AK7: variants seen among roughly 807,000 people sequenced by gnomAD.
AK7 encodes the protein ATP-AMP transphosphorylase 7.
Under a neutral mutation model 96.6 loss-of-function variants are expected in AK7, and 78 were observed. That is an observed-to-expected ratio of 0.81 (90% confidence interval 0.67 to 0.97). The LOEUF is 0.97. Among genes scored for constraint, AK7 ranks in the 50% least tolerant of loss-of-function variants. AK7 has a pLI of 0.00. For missense variants in AK7, 855 were observed against 887.9 expected (o/e 0.96, Z 0.47); for synonymous variants, 302 against 317.2 (o/e 0.95, Z 0.51).
At chr14:96,419,784 C>T (rs904091101) in intron 4 of AK7, among the ~76,000 whole-genome samples, 134 of 101,594 alleles carry the variant, frequency 1.3e-3, no homozygotes, top group African/African-American at 2.2e-3. Context: ...TTTTTTCTTT[C>T]TTTTCTTTTT....
chr14:96,400,436 A>G (rs1890344604), intron 2 of AK7, among the ~76,000 whole-genome samples: 1 of 152,206 alleles, frequency 6.6e-6, no homozygotes, highest in African/African-American at 2.4e-5. Flanking sequence ...TGTAATAGAA[A>G]ACAGAGGTGA....
intron 12 of AK7, among the ~76,000 whole-genome samples, chr14:96,465,216 C>T (rs1261074299): frequency 6.6e-6 from 1 of 152,196 alleles, no homozygotes; most frequent in African/African-American, 2.4e-5. Flanking sequence ...AATCCCAGCA[C>T]TTTGGGAGGC....
chr14:96,463,099 T>A, intron 12 of AK7, among the ~76,000 whole-genome samples: 1 of 151,994 alleles, frequency 6.6e-6, no homozygotes, highest in East Asian at 1.9e-4. Context: ...ATTGTGCCAT[T>A]GCAATCCAGC....
chr14:96,478,425 G>T (rs781280359), intron 14 of AK7, 40 bp from the exon 15 acceptor site: 19 of 1,605,814 alleles, frequency 1.2e-5, no homozygotes, highest in Non-Finnish European at 1.4e-5. Flanking sequence ...AGTTAGCTGC[G>T]CTGTATTGTG....
At chr14:96,438,773 A>G (rs1892792804) in intron 6 of AK7, among the ~76,000 whole-genome samples, 1 of 152,152 alleles carries the variant, frequency 6.6e-6, no homozygotes, top group African/African-American at 2.4e-5. Flanking sequence ...AGGATGTACT[A>G]TTTGGGGCAT....
At chr14:96,421,297 T>C (rs1005271903) in intron 5 of AK7, 2 of 160,806 alleles carry the variant, frequency 1.2e-5, no homozygotes, top group African/African-American at 4.8e-5. Flanking sequence ...CCTCCTCTTA[T>C]GAATAAGGAG....
chr14:96,424,475 A>G (rs995010639), intron 5 of AK7, among the ~76,000 whole-genome samples: 9 of 152,234 alleles, frequency 5.9e-5, no homozygotes, highest in African/African-American at 2.2e-4. Context: ...AGGTACTACT[A>G]TCATCCTCAT....
chr14:96,392,695 G>T (rs1240708629), intron 1 of AK7, among the ~76,000 whole-genome samples: 4 of 151,658 alleles, frequency 2.6e-5, no homozygotes, highest in African/African-American at 7.3e-5. Flanking sequence ...ACGGAGCCTT[G>T]CTCTGTCGCC....
chr14:96,448,793 TAAAAATAC>T (rs2140106447), intron 8 of AK7, among the ~76,000 whole-genome samples: 1 of 151,610 alleles, frequency 6.6e-6, no homozygotes, highest in African/African-American at 2.4e-5. Context: ...CCTTCTCTAC[TAAAAATAC>T]AAAAATTAGC....
chr14:96,463,006 G>A (rs1002283493), intron 12 of AK7, among the ~76,000 whole-genome samples: 3 of 151,956 alleles, frequency 2.0e-5, no homozygotes, highest in Non-Finnish European at 4.4e-5. Context: ...GTGTGGTGGT[G>A]GATGCCTGTA....
At chr14:96,472,628 C>A in intron 13 of AK7, 59 bp from the exon 14 acceptor site, 3 of 1,392,858 alleles carry the variant, frequency 2.2e-6, no homozygotes, top group Non-Finnish European at 1.0e-6. Flanking sequence ...GAATTTTTTG[C>A]TGTGATCCAT....
At position 96,398,088 on chromosome 14, in the gene AK7, G is replaced by C; in HGVS notation, c.119G>C (p.Cys40Ser). The change falls in exon 2 of 18, where the codon TGT (cysteine) becomes TCT (serine). Residue 40 changes from cysteine to serine, a missense_variant. Physicochemically the swap from Cys to Ser is moderately radical, Grantham distance 112. Coordinates refer to ENST00000267584, the MANE Select transcript of AK7 (RefSeq NM_152327.5). ...GTTTCCTTGCAGTTTCTATCTAACTGTGTAGTTGGGGCTTCGCTTGAAGAA... is the reference window on the plus strand; with the variant it reads ...GTTTCCTTGCAGTTTCTATCTAACTCTGTAGTTGGGGCTTCGCTTGAAGAA... ...SGNIGKFLSN[C>S]VVGASLEEIT... 1 of 1,613,978 alleles carries C rather than the reference G, an allele frequency of 6.2e-7. No individual in the cohort carries two copies. The highest frequency in any genetic ancestry group is 8.5e-7 in the Non-Finnish European group (1 of 1,180,014).
chr14:96,397,940 AGT>A (rs1890169502), intron 1 of AK7, 133 bp from the exon 2 acceptor site: 1 of 784,134 alleles, frequency 1.3e-6, no homozygotes, highest in East Asian at 2.5e-5. Flanking sequence ...ATGAGATGAC[AGT>A]GTGCAAAGCA....
chr14:96,393,131 C>T (rs1407182978), intron 1 of AK7, among the ~76,000 whole-genome samples: 1 of 152,096 alleles, frequency 6.6e-6, no homozygotes, highest in Non-Finnish European at 1.5e-5. Context: ...TGAAGATATT[C>T]AGAAAAAGGG....
At chr14:96,449,464 C>T (rs1351534056) in intron 8 of AK7, among the ~76,000 whole-genome samples, 1 of 152,180 alleles carries the variant, frequency 6.6e-6, no homozygotes, top group Non-Finnish European at 1.5e-5. Flanking sequence ...GATGGAGTCT[C>T]GCTCTATCGC....
At chr14:96,448,787 C>A (rs1475487610) in intron 8 of AK7, among the ~76,000 whole-genome samples, 3 of 151,858 alleles carry the variant, frequency 2.0e-5, no homozygotes. Flanking sequence ...GAAAACCCTT[C>A]TCTACTAAAA....
chr14:96,460,792 G>T (rs935898751), intron 12 of AK7, among the ~76,000 whole-genome samples: 16 of 152,164 alleles, frequency 1.1e-4, no homozygotes, highest in Non-Finnish European at 1.6e-4. Flanking sequence ...CTTAAGGAGG[G>T]TTCACTCTGG....
intron 15 of AK7, among the ~76,000 whole-genome samples, chr14:96,482,019 G>C (rs977799553): frequency 6.6e-6 from 1 of 152,070 alleles, no homozygotes; most frequent in Non-Finnish European, 1.5e-5. Context: ...TTAAAGGTTT[G>C]CTTCTGTTCA....
intron 4 of AK7, among the ~76,000 whole-genome samples, chr14:96,415,934 T>G (rs752624345): frequency 7.9e-5 from 12 of 152,102 alleles, no homozygotes; most frequent in Non-Finnish European, 1.3e-4. Flanking sequence ...TGTTTCTGTA[T>G]GTGTGAGTAA....
Sources: gnomAD v4.1 joint callset for allele counts (sites outside exome capture counted in the v4.1 genomes callset) on GRCh38, gnomAD v4.1.1 for gene constraint, MANE v1.5 for transcripts, NCBI Gene and HGNC (gene_info 2026-07-23, HGNC 2026-07-21) for gene names.